The following PCDH15 variants were observed in gnomAD, a reference collection of about 807,000 sequenced individuals.
PCDH15 encodes protocadherin-15.
A neutral mutation model predicts 178.5 loss-of-function variants in PCDH15; 129 were observed. The ratio of observed to expected loss-of-function variants is 0.72; its 90% CI spans 0.63 to 0.84. The LOEUF (loss-of-function observed/expected upper bound fraction) is 0.84, where lower values mean the gene tolerates loss of function less well. PCDH15 is among the 40% of genes least tolerant of loss of function. The pLI, the probability that PCDH15 is intolerant of heterozygous loss-of-function variation, is 0.00. For synonymous variants in PCDH15, 800 were observed against 732.0 expected (o/e 1.09, Z -1.50); for missense variants, 2,230 against 2,099.9 (o/e 1.06, Z -1.21).
chr10:54,147,736 TA>T (rs1017268824), intron 14 of PCDH15, among the ~76,000 whole-genome samples: 16 of 151,924 alleles, frequency 1.1e-4, no homozygotes, highest in Non-Finnish European at 1.5e-4. Context: ...AAAATCAAAA[TA>T]AAAAAACAAA....
chr10:54,863,665 C>A (rs556445616), intron 3 of PCDH15, among the ~76,000 whole-genome samples: 2 of 152,128 alleles, frequency 1.3e-5, no homozygotes, highest in East Asian at 3.9e-4. Context: ...TAGAAATGAT[C>A]CAAGTGTTGG....
At chr10:55,623,565 G>T (rs887519622) in intron 2 of PCDH15, among the ~76,000 whole-genome samples, 1 of 151,828 alleles carries the variant, frequency 6.6e-6, no homozygotes, top group Non-Finnish European at 1.5e-5. Flanking sequence ...ACAGGGATGA[G>T]AATATATATA....
At chr10:55,179,644 G>A (rs750722329) in intron 1 of PCDH15, among the ~76,000 whole-genome samples, 5 of 151,912 alleles carry the variant, frequency 3.3e-5, no homozygotes, top group Admixed American at 1.3e-4. Context: ...AGTTTCTGTC[G>A]CTCAATACAA....
chr10:54,429,414 G>A (rs1565252873), intron 3 of PCDH15, among the ~76,000 whole-genome samples: 1 of 152,142 alleles, frequency 6.6e-6, no homozygotes, highest in Non-Finnish European at 1.5e-5. Flanking sequence ...AAAGGAAGAA[G>A]GAAGTGAAGA....
At chr10:55,534,790 A>G (rs1012414727) in intron 2 of PCDH15, among the ~76,000 whole-genome samples, 2 of 152,140 alleles carry the variant, frequency 1.3e-5, no homozygotes, top group African/African-American at 2.4e-5. Context: ...ACTATTCACA[A>G]TAACAAAAAT....
chr10:55,275,273 T>A (rs1842559795), intron 1 of PCDH15, among the ~76,000 whole-genome samples: 1 of 152,106 alleles, frequency 6.6e-6, no homozygotes, highest in Admixed American at 6.5e-5. Context: ...TCCTTTTTTA[T>A]AACTTCTATT....
intron 1 of PCDH15, among the ~76,000 whole-genome samples, chr10:55,212,260 G>C (rs183910198): frequency 6.6e-6 from 1 of 152,030 alleles, no homozygotes; most frequent in African/African-American, 2.4e-5. Context: ...GACACACCTA[G>C]TCCAACCAGT....
intron 18 of PCDH15, among the ~76,000 whole-genome samples, chr10:54,039,174 C>T (rs952786992): frequency 6.6e-6 from 1 of 151,934 alleles, no homozygotes; most frequent in Non-Finnish European, 1.5e-5. Flanking sequence ...CTTTAGCTAG[C>T]AAATAAGAGT....
chr10:54,372,735 C>T (rs967479016), intron 4 of PCDH15, among the ~76,000 whole-genome samples: 1 of 151,722 alleles, frequency 6.6e-6, no homozygotes, highest in African/African-American at 2.4e-5. Context: ...GAAAAAAAAG[C>T]TAGGTAGAAA....
chr10:55,228,703 C>A (rs1190878864), intron 1 of PCDH15, among the ~76,000 whole-genome samples: 2 of 151,906 alleles, frequency 1.3e-5, no homozygotes, highest in Admixed American at 6.6e-5. Flanking sequence ...TGACACATCA[C>A]ATAATATTCT....
chr10:54,995,519 C>T (rs2131922643), intron 2 of PCDH15, among the ~76,000 whole-genome samples: 1 of 151,292 alleles, frequency 6.6e-6, no homozygotes. Context: ...CAATTTTGCC[C>T]ATAACAACTT....
intron 2 of PCDH15, among the ~76,000 whole-genome samples, chr10:54,646,325 CT>C (rs2094129337): frequency 6.6e-6 from 1 of 152,072 alleles, no homozygotes; most frequent in Non-Finnish European, 1.5e-5. Context: ...ACAGAACCAA[CT>C]GCAGGACTTG....
chr10:55,529,053 T>C (rs1219063950), intron 2 of PCDH15, among the ~76,000 whole-genome samples: 1 of 152,110 alleles, frequency 6.6e-6, no homozygotes. Context: ...TCATATCCTT[T>C]GCCCACTTTT....
intron 5 of PCDH15, among the ~76,000 whole-genome samples, chr10:54,348,021 T>G (rs555231890): frequency 1.3e-5 from 2 of 151,716 alleles, no homozygotes; most frequent in Admixed American, 6.6e-5. Context: ...GCTAATTTTT[T>G]GTATTTTTAG....
intron 2 of PCDH15, among the ~76,000 whole-genome samples, chr10:55,149,279 A>T (rs964938841): frequency 6.6e-6 from 1 of 151,822 alleles, no homozygotes; most frequent in Non-Finnish European, 1.5e-5. Context: ...TACTTAAAAA[A>T]TATTCTAGCA....
intron 2 of PCDH15, among the ~76,000 whole-genome samples, chr10:54,596,965 C>T (rs143017940): frequency 6.6e-5 from 10 of 152,220 alleles, no homozygotes; most frequent in African/African-American, 1.7e-4. Flanking sequence ...TAGGGACCTT[C>T]AAGGAGACTT....
At chr10:54,290,606 G>A (rs976930991) in intron 8 of PCDH15, among the ~76,000 whole-genome samples, 5 of 152,166 alleles carry the variant, frequency 3.3e-5, no homozygotes, top group South Asian at 2.1e-4. Context: ...CTGGCAAATC[G>A]GATAAAGGGT....
intron 26 of PCDH15, among the ~76,000 whole-genome samples, chr10:53,899,179 T>G (rs993404310): frequency 6.6e-6 from 1 of 151,812 alleles, no homozygotes; most frequent in Non-Finnish European, 1.5e-5. Flanking sequence ...ATGTGGCTTC[T>G]GTAAGGGTAG....
chr10:55,253,044 T>C, intron 1 of PCDH15, among the ~76,000 whole-genome samples: 1 of 152,128 alleles, frequency 6.6e-6, no homozygotes, highest in East Asian at 1.9e-4. Context: ...AGGCAAAATT[T>C]AAGTATAAAT....
Sources: gnomAD v4.1 joint callset for allele counts (sites outside exome capture counted in the v4.1 genomes callset) on GRCh38, gnomAD v4.1.1 for gene constraint, MANE v1.5 for transcripts, NCBI Gene and HGNC (gene_info 2026-07-23, HGNC 2026-07-21) for gene names.